The following GYS2 variants were observed in gnomAD, a reference collection of about 807,000 sequenced individuals.
GYS2 encodes glycogen [starch] synthase, liver.
GYS2 carries 80 observed loss-of-function variants against 85.6 expected under a neutral mutation model. The ratio of observed to expected loss-of-function variants is 0.93; its 90% CI spans 0.78 to 1.13. The LOEUF is 1.13. Among genes scored for constraint, GYS2 ranks in the 50% most tolerant of loss-of-function variants. The pLI, the probability that GYS2 is intolerant of heterozygous loss-of-function variation, is 0.00. For synonymous variants in GYS2, 328 were observed against 300.7 expected (o/e 1.09, Z -0.94); for missense variants, 881 against 854.9 (o/e 1.03, Z -0.38).
intron 11 of GYS2, among the ~76,000 whole-genome samples, chr12:21,552,715 T>C (rs1032778539): frequency 1.3e-5 from 2 of 152,204 alleles, no homozygotes; most frequent in Non-Finnish European, 2.9e-5. Flanking sequence ...CAAACTTTCA[T>C]CTCCACTCAC....
intron 1 of GYS2, among the ~76,000 whole-genome samples, chr12:21,600,704 C>T (rs568990236): frequency 1.8e-4 from 28 of 152,232 alleles, no homozygotes; most frequent in South Asian, 4.1e-4. Flanking sequence ...CTTCTATATA[C>T]GTGCACCTAA....
intron 2 of GYS2, among the ~76,000 whole-genome samples, chr12:21,579,349 CTTTTT>C (rs58750123): frequency 4.6e-4 from 41 of 88,704 alleles, no homozygotes; most frequent in Admixed American, 2.7e-3. Flanking sequence ...CTTACTTCTT[CTTTTT>C]TTTTTTTTTT....
chr12:21,596,989 C>A (rs915505098), intron 1 of GYS2, among the ~76,000 whole-genome samples: 1 of 152,108 alleles, frequency 6.6e-6, no homozygotes, highest in African/African-American at 2.4e-5. Flanking sequence ...AAGAACTCAA[C>A]CCCTTGTACA....
chr12:21,587,960 G>A (rs1944592551), intron 1 of GYS2, among the ~76,000 whole-genome samples: 1 of 152,130 alleles, frequency 6.6e-6, no homozygotes, highest in African/African-American at 2.4e-5. Context: ...GAGGGGTAAG[G>A]GGAGGAAGAC....
At chr12:21,555,645 T>A (rs1415719725) in intron 11 of GYS2, among the ~76,000 whole-genome samples, 1 of 152,196 alleles carries the variant, frequency 6.6e-6, no homozygotes, top group Non-Finnish European at 1.5e-5. Context: ...ATCCAGACAA[T>A]GAGATGCCAG....
chr12:21,542,443 G>T, intron 13 of GYS2, 53 bp downstream of exon 13: 1 of 1,059,776 alleles, frequency 9.4e-7, no homozygotes, highest in Non-Finnish European at 1.5e-6. Flanking sequence ...CCTGTGCTTT[G>T]TTTGGTTAGA....
chr12:21,568,030 C>T (rs1412774887), intron 5 of GYS2, among the ~76,000 whole-genome samples: 1 of 151,838 alleles, frequency 6.6e-6, no homozygotes, highest in East Asian at 1.9e-4. Context: ...TGAGATCACG[C>T]CACTGCACTC....
At chr12:21,602,307 G>GGAAAA (rs1654655681) in intron 1 of GYS2, among the ~76,000 whole-genome samples, 2 of 151,956 alleles carry the variant, frequency 1.3e-5, no homozygotes, top group Non-Finnish European at 2.9e-5. Flanking sequence ...CCTAAATCCT[G>GGAAAA]GTCCTAACTC....
In GYS2 at chr12:21,562,971, T is replaced by G. The variant is rs1944273335; in HGVS notation, c.1009A>C (p.Lys337Gln). ...GATTCTAGGAAGATGTCAGCTCCTT[T>G]GTTTGAAAACTCATACCTCCCAGCA... ...FIAGRYEFSN[K>Q]GADIFLESLS... Residue 337 changes from lysine (K) to glutamine (Q), a missense_variant, in exon 7 of 16, where the codon AAA becomes CAA. Lys to Gln is a moderately conservative substitution (Grantham distance 53, BLOSUM62 1). Coordinates refer to ENST00000261195, the MANE Select transcript of GYS2 (RefSeq NM_021957.4). The G allele has an allele frequency of 1.2e-6, 2 of 1,612,974 alleles. No individual in the cohort carries two copies. Among genetic ancestry groups the G allele is most frequent in the African/African-American group, 2.7e-5 (2 of 75,038 alleles).
At chr12:21,575,749 A>T in intron 3 of GYS2, 117 bp downstream of exon 3, 1 of 813,386 alleles carries the variant, frequency 1.2e-6, no homozygotes, top group Non-Finnish European at 2.2e-6. Context: ...TTGTATTAGG[A>T]CAAGCCATAA....
chr12:21,589,580 G>A, intron 1 of GYS2, among the ~76,000 whole-genome samples: 1 of 152,114 alleles, frequency 6.6e-6, no homozygotes, highest in East Asian at 1.9e-4. Context: ...AGCATCTAAG[G>A]CAATGAAGGG....
rs200401082 is a variant in GYS2 at position 21,575,899 on chromosome 12, T to C, written c.462A>G (p.Ile154Met). ...YHDREANDML[I>M]FGSLTAWFLK... ...AGAACCAGGCAGTTAAAGATCCAAA[T>C]ATCAGCATATCATTGGCTTCTCGGT... Residue 154 changes from isoleucine (I) to methionine (M), a missense_variant, in exon 3 of 16, where the codon ATA becomes ATG. Ile to Met is a conservative substitution (Grantham distance 10). Transcript: ENST00000261195. 6 of 1,613,818 alleles carry C rather than the reference T, an allele frequency of 3.7e-6. No individual in the cohort carries two copies. The East Asian group carries it at 1.1e-4, about 30-fold the overall frequency.
chr12:21,567,342 G>C (rs1320814070), intron 5 of GYS2, among the ~76,000 whole-genome samples: 1 of 152,054 alleles, frequency 6.6e-6, no homozygotes, highest in Non-Finnish European at 1.5e-5. Context: ...TGAGCTCAGA[G>C]AAAGATAACT....
intron 11 of GYS2, among the ~76,000 whole-genome samples, chr12:21,554,131 G>A (rs1011070380): frequency 1.3e-5 from 2 of 151,598 alleles, no homozygotes; most frequent in Non-Finnish European, 2.9e-5. Context: ...ATGGAAGGAA[G>A]GAAGGAAGCG....
intron 1 of GYS2, among the ~76,000 whole-genome samples, chr12:21,591,306 A>C (rs1045435687): frequency 2.6e-5 from 4 of 152,116 alleles, no homozygotes. Context: ...ACAAGAATGA[A>C]CCAAACAGAA....
At chr12:21,559,413 T>G (rs1008743783) in intron 9 of GYS2, among the ~76,000 whole-genome samples, 2 of 152,194 alleles carry the variant, frequency 1.3e-5, no homozygotes, top group Non-Finnish European at 2.9e-5. Flanking sequence ...TATCAACCCT[T>G]AATGAGTTCA....
intron 8 of GYS2, 103 bp downstream of exon 8, chr12:21,560,283 T>A (rs548590560): frequency 4.1e-5 from 31 of 760,246 alleles, no homozygotes; most frequent in Admixed American, 2.7e-4. Flanking sequence ...TGTAATAATC[T>A]TAAGGAAAAA....
intron 11 of GYS2, among the ~76,000 whole-genome samples, chr12:21,552,823 C>A (rs537581050): frequency 5.4e-4 from 82 of 152,220 alleles, no homozygotes; most frequent in Non-Finnish European, 1.0e-3. Flanking sequence ...ATGACAAATT[C>A]CAGATCATTA....
chr12:21,601,667 C>A (rs1291682526), intron 1 of GYS2, among the ~76,000 whole-genome samples: 1 of 152,088 alleles, frequency 6.6e-6, no homozygotes, highest in Non-Finnish European at 1.5e-5. Context: ...ACTGTATAGT[C>A]TTAGGACACC....
Sources: gnomAD v4.1 joint callset for allele counts (sites outside exome capture counted in the v4.1 genomes callset) on GRCh38, gnomAD v4.1.1 for gene constraint, MANE v1.5 for transcripts, NCBI Gene and HGNC (gene_info 2026-07-23, HGNC 2026-07-21) for gene names.